Variants in GUSB observed in about 807,000 individuals in gnomAD.
GUSB encodes glucuronidase beta.
Under a neutral mutation model 74.6 loss-of-function variants are expected in GUSB, and 51 were observed. The ratio of observed to expected loss-of-function variants is 0.68; its 90% CI spans 0.55 to 0.86. GUSB has a LOEUF of 0.86. Among genes scored for constraint, GUSB ranks in the 40% least tolerant of loss-of-function variants. The pLI is 0.00. For synonymous variants in GUSB, 360 were observed against 348.3 expected (o/e 1.03, Z -0.37); for missense variants, 736 against 853.7 (o/e 0.86, Z 1.72).
At chr7:65,981,603 A>G (rs1172146191) in intron 1 of GUSB, among the ~76,000 whole-genome samples, 3 of 151,778 alleles carry the variant, frequency 2.0e-5, no homozygotes, top group Non-Finnish European at 2.9e-5. Flanking sequence ...GGGCGGGAGA[A>G]TCGCTTGAGC....
Position 65,974,281 on chromosome 7 carries a change from G to A in GUSB, c.1391+14C>T. The A allele has an allele frequency of 6.2e-7, 1 of 1,613,806 alleles. No individual in the cohort carries two copies. Among genetic ancestry groups the A allele is most frequent in the Non-Finnish European group, 8.5e-7 (1 of 1,179,844 alleles). ...CCTTCCCACTCTAGCCGAGGGCAGGGAGGGAGCACTCACTTCAAGTAGTAG... is the reference window on the plus strand; with the variant it reads ...CCTTCCCACTCTAGCCGAGGGCAGGAAGGGAGCACTCACTTCAAGTAGTAG... On this transcript the variant is annotated intron_variant, in intron 8 of 11. Coordinates refer to ENST00000304895, the MANE Select transcript of GUSB (RefSeq NM_000181.4).
chr7:65,968,521 T>C (rs1280171170), intron 9 of GUSB, among the ~76,000 whole-genome samples: 1 of 152,118 alleles, frequency 6.6e-6, no homozygotes, highest in African/African-American at 2.4e-5. Flanking sequence ...TCACTGGGCT[T>C]CCCCTCACCT....
chr7:65,980,013 G>A, intron 2 of GUSB, 102 bp from the exon 3 acceptor site: 1 of 1,061,300 alleles, frequency 9.4e-7, no homozygotes. Context: ...TGGGGCTCCG[G>A]GGCCTTCCAG....
chr7:65,974,167 C>T, intron 8 of GUSB, 128 bp downstream of exon 8: 2 of 826,370 alleles, frequency 2.4e-6, no homozygotes, highest in Non-Finnish European at 4.1e-6. Flanking sequence ...CCTGAACTAT[C>T]TGGGTATGGA....
rs190201470 is a variant in GUSB at position 65,960,689 on chromosome 7, A to C, written c.*208T>G. 364 of 585,334 alleles carry C rather than the reference A, an allele frequency of 6.2e-4. 4 individuals carry two copies. Among genetic ancestry groups the C allele is most frequent in the South Asian group, 1.7e-3 (84 of 50,252 alleles). The allele number at this position is 585,334 out of a possible 1,614,324, so 36.3% of individuals were successfully genotyped here. A position where few individuals can be genotyped will look rare whatever the true frequency, so the allele number is the denominator to read the frequency against. Reference sequence around the variant, plus strand: ...ACAGAAATGATTTCAGATGCTTTTCAGTAGCCACTTTCATGCCAACTCTTT... The same window carrying C: ...ACAGAAATGATTTCAGATGCTTTTCCGTAGCCACTTTCATGCCAACTCTTT... On this transcript the variant is annotated 3_prime_UTR_variant, in exon 12 of 12. Coordinates refer to ENST00000304895, the MANE Select transcript of GUSB (RefSeq NM_000181.4).
intron 1 of GUSB, among the ~76,000 whole-genome samples, chr7:65,981,539 T>G (rs1310685731): frequency 7.7e-6 from 1 of 130,558 alleles, no homozygotes; most frequent in Non-Finnish European, 1.5e-5. Flanking sequence ...GCCCAGATAA[T>G]TTTTTTTTTT....
intron 5 of GUSB, chr7:65,975,496 T>G: frequency 3.8e-6 from 1 of 261,304 alleles, no homozygotes; most frequent in South Asian, 4.2e-5. Context: ...GCAATTCTCC[T>G]GCCTCAGCCT....
chr7:65,963,763 C>T (rs1237202443), intron 11 of GUSB, among the ~76,000 whole-genome samples: 1 of 152,128 alleles, frequency 6.6e-6, no homozygotes, highest in Non-Finnish European at 1.5e-5. Context: ...ACAGGCTGGT[C>T]TTGAACTCCT....
chr7:65,978,019 T>C (rs1432732188), intron 4 of GUSB, among the ~76,000 whole-genome samples: 2 of 150,586 alleles, frequency 1.3e-5, no homozygotes, highest in Non-Finnish European at 3.0e-5. Context: ...ACCATGTTAG[T>C]CAGGATGGTC....
intron 4 of GUSB, among the ~76,000 whole-genome samples, chr7:65,978,731 C>T (rs967266651): frequency 7.9e-5 from 12 of 150,946 alleles, no homozygotes; most frequent in Admixed American, 2.6e-4. Context: ...AAGATCACGC[C>T]ATCGCACTCC....
intron 9 of GUSB, among the ~76,000 whole-genome samples, chr7:65,969,108 TGGTGGCTCAC>T (rs1791033267): frequency 6.6e-6 from 1 of 152,092 alleles, no homozygotes; most frequent in African/African-American, 2.4e-5. Context: ...TGGCCGGGTG[TGGTGGCTCAC>T]GCCTGTAATC....
chr7:65,979,937 G>T (rs1285567176), intron 2 of GUSB, 26 bp from the exon 3 acceptor site: 1 of 1,556,134 alleles, frequency 6.4e-7, no homozygotes, highest in Non-Finnish European at 8.7e-7. Flanking sequence ...ATACGGGGAG[G>T]GGGCTGCAGG....
intron 6 of GUSB, 28 bp from the exon 7 acceptor site, chr7:65,974,732 C>CT: frequency 6.2e-7 from 1 of 1,610,864 alleles, no homozygotes; most frequent in Non-Finnish European, 8.5e-7. Flanking sequence ...CAAGTGACCC[C>CT]TGTCCCTGTC....
At chr7:65,975,193 G>A in intron 5 of GUSB, 122 bp from the exon 6 acceptor site, 1 of 836,824 alleles carries the variant, frequency 1.2e-6, no homozygotes, top group Non-Finnish European at 2.0e-6. Flanking sequence ...AAGCAGAGAT[G>A]CAGCAATCAG....
chr7:65,974,401 C>T lies in GUSB; in HGVS notation c.1285G>A (p.Val429Met), dbSNP rs376131143. ...TCCCTACGCACCACTTCTTCCATCA[C>T]CTGCATGTGGTGATGCAGAGAAACG... ...NNVSLHHHMQ[V>M]MEEVVRRDKN... Residue 429 changes from valine to methionine, a missense_variant, in exon 8 of 12, where the codon GTG becomes ATG. Transcript: ENST00000304895. The T allele has an allele frequency of 6.2e-7, 1 of 1,614,062 alleles. No homozygotes were observed. The highest frequency in any genetic ancestry group is 8.5e-7 in the Non-Finnish European group (1 of 1,179,998).
chr7:65,965,122 C>G (rs1003261255), intron 10 of GUSB, among the ~76,000 whole-genome samples: 5 of 151,626 alleles, frequency 3.3e-5, no homozygotes, highest in African/African-American at 1.2e-4. Context: ...TCAACCAAAC[C>G]AGGCTGGGCA....
In GUSB at chr7:65,961,008, T is replaced by A. The variant is rs761319717; in HGVS notation, c.1845A>T (p.Pro615=). The change falls in exon 12 of 12, where the codon CCA becomes CCT. Residue 615 remains proline (P), a synonymous_variant. Coordinates refer to ENST00000304895, the MANE Select transcript of GUSB (RefSeq NM_000181.4). ...CTCGCAAAAGGAACGCTGCACTTTT[T>A]GGTTGTCTCTGCCGAGTGAAGATCC... ...KKGIFTRQRQ[P]KSAAFLLRER... The A allele has an allele frequency of 6.2e-7, 1 of 1,613,700 alleles. No homozygotes were observed. Among genetic ancestry groups the A allele is most frequent in the South Asian group, 1.1e-5 (1 of 91,064 alleles).
chr7:65,980,876 G>A (rs997535001), intron 1 of GUSB: 4 of 232,432 alleles, frequency 1.7e-5, no homozygotes, highest in East Asian at 1.0e-4. Context: ...GGCAAAAGCC[G>A]CCCAGACCTC....
chr7:65,978,078 G>A (rs1365951344), intron 4 of GUSB, among the ~76,000 whole-genome samples: 1 of 152,034 alleles, frequency 6.6e-6, no homozygotes, highest in Non-Finnish European at 1.5e-5. Context: ...CCAAAGTGCT[G>A]GGATTACAGG....
Sources: gnomAD v4.1 joint callset for allele counts (sites outside exome capture counted in the v4.1 genomes callset) on GRCh38, gnomAD v4.1.1 for gene constraint, MANE v1.5 for transcripts, NCBI Gene and HGNC (gene_info 2026-07-23, HGNC 2026-07-21) for gene names.